PRKD1: variants seen among roughly 807,000 people sequenced by gnomAD.
PRKD1 encodes protein kinase D1.
Under a neutral mutation model 95.9 loss-of-function variants are expected in PRKD1, and 63 were observed. The ratio of observed to expected loss-of-function variants is 0.66; its 90% CI spans 0.54 to 0.81. The LOEUF (loss-of-function observed/expected upper bound fraction) is 0.81, where lower values mean the gene tolerates loss of function less well. Among genes scored for constraint, PRKD1 ranks in the 30% least tolerant of loss-of-function variants. The pLI is 0.00. For synonymous variants in PRKD1, 425 were observed against 423.1 expected, an observed-to-expected ratio of 1.00 and a Z score of -0.05; for missense variants, 1,048 against 1,165.3, an observed-to-expected ratio of 0.90 and a Z score of 1.47.
At chr14:29,814,856 T>G (rs1377078247) in intron 1 of PRKD1, among the ~76,000 whole-genome samples, 9 of 152,238 alleles carry the variant, frequency 5.9e-5, no homozygotes, top group Non-Finnish European at 1.5e-5. Flanking sequence ...AAATTTTTAA[T>G]GACTAAGCAA....
At chr14:29,903,128 G>A (rs923308231) in intron 1 of PRKD1, among the ~76,000 whole-genome samples, 3 of 152,060 alleles carry the variant, frequency 2.0e-5, no homozygotes, top group Non-Finnish European at 4.4e-5. Context: ...CTCAAGAGAC[G>A]AACAACTATT....
chr14:29,919,657 C>T (rs1166701531), intron 1 of PRKD1, among the ~76,000 whole-genome samples: 2 of 151,198 alleles, frequency 1.3e-5, no homozygotes, highest in African/African-American at 4.9e-5. Context: ...TATCTAAATT[C>T]TATCAATAGA....
rs1885280029 is a variant in PRKD1, at chr14:29,710,337, T to C, written c.403+15199A>G. ...CACGACTTTAACCAAGTGATAAAGGTTAACATTATCAGTGATGTCATGTGG... is the reference window on the plus strand; with the variant it reads ...CACGACTTTAACCAAGTGATAAAGGCTAACATTATCAGTGATGTCATGTGG... On this transcript the variant is annotated intron_variant, in intron 2 of 17. Transcript: ENST00000331968. 4.6e-5 allele frequency among the ~76,000 whole-genome samples: 7 copies of C among 152,092 alleles called. 1 individual carries two copies. In the South Asian group the frequency reaches 1.4e-3, roughly 32 times the overall value.
chr14:29,739,570 G>A (rs905095872), intron 1 of PRKD1, among the ~76,000 whole-genome samples: 11 of 152,138 alleles, frequency 7.2e-5, no homozygotes, highest in African/African-American at 2.7e-4. Flanking sequence ...GGAATCTTTT[G>A]AAATTAAAGT....
intron 1 of PRKD1, among the ~76,000 whole-genome samples, chr14:29,783,625 A>C (rs1889144837): frequency 6.6e-6 from 1 of 152,188 alleles, no homozygotes; most frequent in Non-Finnish European, 1.5e-5. Context: ...AATAGTGTAC[A>C]AGAGTTCCCT....
chr14:29,589,235 C>T (rs767889053), intron 16 of PRKD1, among the ~76,000 whole-genome samples: 18 of 152,144 alleles, frequency 1.2e-4, no homozygotes, highest in South Asian at 6.2e-4. Context: ...AAATGCTTTC[C>T]AATCCGTCGC....
chr14:29,646,469 A>T (rs1456936529), intron 4 of PRKD1, among the ~76,000 whole-genome samples: 1 of 152,130 alleles, frequency 6.6e-6, no homozygotes, highest in Admixed American at 6.5e-5. Context: ...TAAATACTGC[A>T]TGCCTGTATG....
In PRKD1 at chr14:29,688,948, C is replaced by CAAAAAAAAAAAAAA. The variant is rs377212196; in HGVS notation, c.404-22754_404-22741dup. Among the ~76,000 whole-genome samples, 15 of 32,468 alleles carry CAAAAAAAAAAAAAA rather than the reference C, an allele frequency of 4.6e-4. 1 individual carries two copies. The highest frequency in any genetic ancestry group is 5.8e-4 in the Non-Finnish European group (9 of 15,578). The allele number at this position is 32,468 out of a possible 152,430, so 21.3% of individuals were successfully genotyped here. ...TGGGTGATAGAGCGAGACTCCGTCTCAAAAAAAAAAAAAAAAAAAAAAAAA... is the reference window on the plus strand; with the variant it reads ...TGGGTGATAGAGCGAGACTCCGTCTCAAAAAAAAAAAAAAAAAAAAAAAAAAAAAAAAAAAAAAA... On this transcript the variant is annotated intron_variant, in intron 2 of 17. Coordinates refer to ENST00000331968, the MANE Select transcript of PRKD1 (RefSeq NM_002742.3).
At chr14:29,657,302 G>T (rs950687127) in intron 4 of PRKD1, 1 of 152,058 alleles carries the variant, frequency 6.6e-6, no homozygotes, top group Admixed American at 6.5e-5. Context: ...TCAAGCTTTT[G>T]GGGGGCAGCT....
chr14:29,818,528 A>G (rs989871177), intron 1 of PRKD1, among the ~76,000 whole-genome samples: 5 of 152,078 alleles, frequency 3.3e-5, no homozygotes, highest in African/African-American at 1.2e-4. Context: ...AAGACTTAAT[A>G]TCAATTAATT....
chr14:29,880,928 T>G (rs910073503), intron 1 of PRKD1, among the ~76,000 whole-genome samples: 1 of 152,382 alleles, frequency 6.6e-6, no homozygotes, highest in South Asian at 2.1e-4. Context: ...ACTCCCATTA[T>G]ATCTAGGAAG....
chr14:29,823,273 T>C (rs749999544), intron 1 of PRKD1, among the ~76,000 whole-genome samples: 3 of 152,194 alleles, frequency 2.0e-5, no homozygotes, highest in Non-Finnish European at 4.4e-5. Flanking sequence ...ATTTCAGTGA[T>C]TACTTGCCAG....
intron 1 of PRKD1, among the ~76,000 whole-genome samples, chr14:29,812,501 G>A (rs1890530163): frequency 6.6e-6 from 1 of 152,080 alleles, no homozygotes; most frequent in South Asian, 2.1e-4. Context: ...CCCAGACTTG[G>A]GTAATTTACA....
intron 1 of PRKD1, among the ~76,000 whole-genome samples, chr14:29,733,189 G>A (rs1302266027): frequency 2.0e-5 from 3 of 150,138 alleles, no homozygotes; most frequent in Non-Finnish European, 4.4e-5. Context: ...TGCAAGCTCC[G>A]CCTCCCAGGT....
At chr14:29,582,420 A>C (rs558605685) in intron 16 of PRKD1, among the ~76,000 whole-genome samples, 10 of 152,176 alleles carry the variant, frequency 6.6e-5, no homozygotes, top group Non-Finnish European at 1.3e-4. Context: ...TAGAAGTTCT[A>C]CTTGTCTTAA....
chr14:29,745,815 A>G (rs1424187817), intron 1 of PRKD1, among the ~76,000 whole-genome samples: 1 of 152,138 alleles, frequency 6.6e-6, no homozygotes, highest in Non-Finnish European at 1.5e-5. Flanking sequence ...AACACTGGAA[A>G]CAGACTAATG....
At chr14:29,600,913 C>T (rs573403102) in intron 13 of PRKD1, among the ~76,000 whole-genome samples, 8 of 150,682 alleles carry the variant, frequency 5.3e-5, no homozygotes, top group Non-Finnish European at 1.2e-4. Context: ...ACAACAAATC[C>T]TAACATTAAA....
At chr14:29,663,984 T>C in intron 3 of PRKD1, 125 bp from the exon 4 acceptor site, 4 of 1,020,226 alleles carry the variant, frequency 3.9e-6, no homozygotes, top group Non-Finnish European at 5.6e-6. Context: ...ATTTGGAAAT[T>C]CACATTTTCT....
At chr14:29,634,564 G>A (rs776036010) in intron 7 of PRKD1, 23 bp from the exon 8 acceptor site, 1 of 1,612,526 alleles carries the variant, frequency 6.2e-7, no homozygotes, top group African/African-American at 1.3e-5. Context: ...AAATATTGTA[G>A]GGAAAAAATG....
Sources: gnomAD v4.1 joint callset for allele counts (sites outside exome capture counted in the v4.1 genomes callset) on GRCh38, gnomAD v4.1.1 for gene constraint, MANE v1.5 for transcripts, NCBI Gene and HGNC (gene_info 2026-07-23, HGNC 2026-07-21) for gene names.